The following NFASC variants were observed in gnomAD, a reference collection of about 807,000 sequenced individuals.
The protein encoded by NFASC is neurofascin homolog.
Under a neutral mutation model 147.5 loss-of-function variants are expected in NFASC, and 43 were observed. The observed-to-expected ratio is 0.29, with a 90% confidence interval of 0.23 to 0.38. NFASC has a LOEUF of 0.38. Ranked by LOEUF, NFASC falls within the 10% of genes least tolerant of loss-of-function variation. NFASC has a pLI of 1.00. For synonymous variants in NFASC, 622 were observed against 665.5 expected (o/e 0.93, Z 1.01); for missense variants, 1,320 against 1,689.0 (o/e 0.78, Z 3.83).
rs1368768476 is a variant in NFASC at position 205,019,807 on chromosome 1, C to T, written c.*3268C>T. ...TGCTTCCTGAGCCTCTTTGCTCTGC[C>T]TCTTGGGGCAAGCTCCTTAACCTGT... On this transcript the variant is annotated 3_prime_UTR_variant, in exon 30 of 30. Transcript: ENST00000339876. 1 of 152,248 alleles carries T rather than the reference C, an allele frequency of 6.6e-6. No individual in the cohort carries two copies. Among genetic ancestry groups the T allele is most frequent in the Non-Finnish European group, 1.5e-5 (1 of 68,062 alleles). 9.4% of individuals were successfully genotyped at this position (152,248 alleles called of 1,614,324 possible).
At chr1:204,898,553 G>A (rs72757712) in intron 1 of NFASC, among the ~76,000 whole-genome samples, 3 of 152,174 alleles carry the variant, frequency 2.0e-5, no homozygotes, top group Non-Finnish European at 4.4e-5. Context: ...GGATTGTGAG[G>A]GCAGAGCACT....
intron 1 of NFASC, among the ~76,000 whole-genome samples, chr1:204,897,261 G>A (rs1243260840): frequency 2.0e-5 from 3 of 152,188 alleles, no homozygotes; most frequent in African/African-American, 7.2e-5. Flanking sequence ...AGACTAGCTA[G>A]ACAAGACAAT....
At chr1:204,939,037 G>GATGT (rs55710309) in intron 2 of NFASC, among the ~76,000 whole-genome samples, 1,723 of 65,332 alleles carry the variant, frequency 0.026, 40 homozygotes, top group Middle Eastern at 0.046. Context: ...TGTATGGATG[G>GATGT]ATGTGTGTGT....
chr1:204,928,002 G>A (rs796322077), intron 2 of NFASC, among the ~76,000 whole-genome samples: 10 of 152,296 alleles, frequency 6.6e-5, no homozygotes, highest in African/African-American at 2.4e-4. Flanking sequence ...TCCCCAGAGG[G>A]GGGAGTTCGC....
chr1:204,976,846 C>A (rs199553059), intron 16 of NFASC, 51 bp downstream of exon 16: 3 of 1,584,162 alleles, frequency 1.9e-6, no homozygotes, highest in African/African-American at 1.3e-5. Flanking sequence ...CCCTCCCCAG[C>A]AGCCAGAGAA....
chr1:204,900,574 T>C (rs1285812296), intron 1 of NFASC, among the ~76,000 whole-genome samples: 2 of 152,190 alleles, frequency 1.3e-5, no homozygotes, highest in African/African-American at 4.8e-5. Flanking sequence ...AACTTATTTT[T>C]ATGGGAAAAG....
intron 1 of NFASC, among the ~76,000 whole-genome samples, chr1:204,893,038 A>G (rs2149068063): frequency 6.6e-6 from 1 of 152,370 alleles, no homozygotes; most frequent in South Asian, 2.1e-4. Flanking sequence ...TGAGACTTGA[A>G]CTAAAGAATC....
At chr1:205,013,468 C>A (rs954467929) in intron 29 of NFASC, among the ~76,000 whole-genome samples, 2 of 152,198 alleles carry the variant, frequency 1.3e-5, no homozygotes, top group African/African-American at 4.8e-5. Flanking sequence ...AGGCCCAGAC[C>A]AGGAAGCGAA....
chr1:204,941,430 A>G (rs1031557622), intron 2 of NFASC, among the ~76,000 whole-genome samples: 2 of 152,226 alleles, frequency 1.3e-5, no homozygotes, highest in African/African-American at 2.4e-5. Context: ...GATTTAATGA[A>G]TAGCTTCTGG....
chr1:204,987,609 T>C lies in NFASC; in HGVS notation c.2593+69T>C. On this transcript the variant is annotated intron_variant, in intron 22 of 29. Coordinates refer to ENST00000339876, the MANE Select transcript of NFASC (RefSeq NM_001005388.3). This position sits in a 1 kb window ranked among gnomAD's most constrained non-coding sequence, Gnocchi z 4.4. The stretch of plus-strand genomic sequence containing the variant: ...GAAACCCCATTCTCACCACTTTTCC[T>C]AAGGACTCAAGGTAGAAAGCCTGTG... 6.3e-7 allele frequency: 1 copy of C among 1,586,280 alleles called. No individual in the cohort carries two copies. Among genetic ancestry groups the C allele is most frequent in the Non-Finnish European group, 8.6e-7 (1 of 1,158,356 alleles).
chr1:204,944,189 A>C (rs1472708038), intron 2 of NFASC, 37 bp from the exon 3 acceptor site: 2 of 1,535,216 alleles, frequency 1.3e-6, no homozygotes, highest in Admixed American at 2.0e-5. Flanking sequence ...CCACAAGTTC[A>C]TGAAAAACTC....
chr1:204,872,484 T>A (rs932570644), intron 1 of NFASC, among the ~76,000 whole-genome samples: 7 of 152,152 alleles, frequency 4.6e-5, no homozygotes, highest in Admixed American at 2.6e-4. Context: ...CAGGAGCTGG[T>A]GAGACAGCTG....
In NFASC at chr1:205,016,401, C is replaced by A; in HGVS notation, c.3585C>A (p.Gly1195=). The part of the protein sequence containing the change: ...QESDDSLVDY[G]EGGEGQFNED... ...GTGACGACAGCCTGGTGGACTATGGCGAGGGTGGCGAGGGTCAGTTCAATG... is the reference window on the plus strand; with the variant it reads ...GTGACGACAGCCTGGTGGACTATGGAGAGGGTGGCGAGGGTCAGTTCAATG... Residue 1195 remains glycine (G), a synonymous_variant, in exon 30 of 30, where the codon GGC becomes GGA. Transcript: ENST00000339876. This position sits in a 1 kb window ranked among gnomAD's most constrained non-coding sequence, Gnocchi z 5.1. The A allele has an allele frequency of 6.2e-7, 1 of 1,613,916 alleles. No homozygotes were observed.
chr1:204,941,985 C>T (rs1201399047), intron 2 of NFASC, among the ~76,000 whole-genome samples: 1 of 152,162 alleles, frequency 6.6e-6, no homozygotes, highest in African/African-American at 2.4e-5. Context: ...CTTCTTATTT[C>T]ATCCATTTAA....
chr1:204,844,027 T>C (rs1676263017), intron 1 of NFASC, among the ~76,000 whole-genome samples: 1 of 152,122 alleles, frequency 6.6e-6, no homozygotes, highest in Non-Finnish European at 1.5e-5. Context: ...CATGAGCCAC[T>C]GTGCCTGGCC....
At chr1:204,848,325 A>T (rs148391190) in intron 1 of NFASC, among the ~76,000 whole-genome samples, 6 of 152,262 alleles carry the variant, frequency 3.9e-5, no homozygotes, top group Non-Finnish European at 8.8e-5. Context: ...CAACTTCCCC[A>T]GTTAAGTGAT....
chr1:204,870,109 T>C (rs1030799763), intron 1 of NFASC, among the ~76,000 whole-genome samples: 1 of 152,200 alleles, frequency 6.6e-6, no homozygotes, highest in Non-Finnish European at 1.5e-5. Flanking sequence ...CAGTGAAGTT[T>C]GTCCATCTCA....
chr1:204,984,103 C>G (rs778273618), intron 21 of NFASC: 5 of 1,614,136 alleles, frequency 3.1e-6, no homozygotes, highest in Non-Finnish European at 4.2e-6. Flanking sequence ...GGAACCGCGT[C>G]TACTCCGACA....
intron 1 of NFASC, among the ~76,000 whole-genome samples, chr1:204,910,626 G>T (rs139024058): frequency 1.6e-4 from 25 of 151,874 alleles, no homozygotes; most frequent in Admixed American, 3.3e-4. Flanking sequence ...CTTGCATCTG[G>T]ATGTGCTGAG....
Sources: gnomAD v4.1 joint callset for allele counts (sites outside exome capture counted in the v4.1 genomes callset) on GRCh38, gnomAD v4.1.1 for gene constraint, Gnocchi (gnomAD v3.1) non-coding constraint, MANE v1.5 for transcripts, NCBI Gene and HGNC (gene_info 2026-07-23, HGNC 2026-07-21) for gene names.